SIK3: variants seen among roughly 807,000 people sequenced by gnomAD.
SIK3 encodes the protein SIK family kinase 3.
A neutral mutation model predicts 144.2 loss-of-function variants in SIK3; 28 were observed. The ratio of observed to expected loss-of-function variants is 0.19; its 90% CI spans 0.14 to 0.27. The LOEUF (loss-of-function observed/expected upper bound fraction) is 0.27, where lower values mean the gene tolerates loss of function less well. SIK3 is among the 10% of genes least tolerant of loss of function. SIK3 has a pLI of 1.00. For missense variants in SIK3, 1,319 were observed against 1,776.0 expected (o/e 0.74, Z 4.62); for synonymous variants, 686 against 676.3 (o/e 1.01, Z -0.22).
At chr11:117,031,434 T>C (rs927638119) in intron 1 of SIK3, among the ~76,000 whole-genome samples, 8 of 151,516 alleles carry the variant, frequency 5.3e-5, no homozygotes, top group Non-Finnish European at 1.2e-4. Context: ...CTATCCTTCC[T>C]GCACTGAATT....
At chr11:116,855,083 C>CAAAAAAAAAAAAAAAA (rs528405922) in intron 21 of SIK3, among the ~76,000 whole-genome samples, 12 of 82,092 alleles carry the variant, frequency 1.5e-4, no homozygotes, top group African/African-American at 3.6e-4. Context: ...GAGACTCTGC[C>CAAAAAAAAAAAAAAAA]AAAAAAAAAA....
At chr11:116,987,330 A>G (rs1950357402) in intron 1 of SIK3, among the ~76,000 whole-genome samples, 1 of 146,384 alleles carries the variant, frequency 6.8e-6, no homozygotes, top group African/African-American at 2.5e-5. Context: ...TTAAAAAAAA[A>G]AAAAAAAACA....
chr11:116,992,707 A>T (rs1487655460), intron 1 of SIK3, among the ~76,000 whole-genome samples: 2 of 152,232 alleles, frequency 1.3e-5, no homozygotes, highest in Non-Finnish European at 2.9e-5. Flanking sequence ...CTAGGTCAGG[A>T]GCAGTAGCTC....
Position 116,849,324 on chromosome 11 carries a change from T to TGG in SIK3, c.3656-42_3656-41insCC. On this transcript the variant is annotated intron_variant, in intron 21 of 24. Transcript: ENST00000445177. This position sits in a 1 kb window ranked among gnomAD's most constrained non-coding sequence, Gnocchi z 4.2. ...AGAATAGAGTCAGTGGGGCGGAACT[T>TGG]CTCCCAGCACTGGAAACTCCCATCC... 1 of 1,611,166 alleles carries TGG rather than the reference T, an allele frequency of 6.2e-7. No homozygotes were observed. The highest frequency in any genetic ancestry group is 8.5e-7 in the Non-Finnish European group (1 of 1,178,266).
chr11:116,902,944 T>C (rs1054621190), intron 4 of SIK3, among the ~76,000 whole-genome samples: 2 of 152,218 alleles, frequency 1.3e-5, no homozygotes, highest in Non-Finnish European at 1.5e-5. Context: ...GACGGTTTCA[T>C]TGAAAGCATA....
rs1256178592 is a variant in SIK3, at chr11:117,092,035, A to C, written c.273+6108T>G. 3.3e-5 allele frequency among the ~76,000 whole-genome samples: 5 copies of C among 152,112 alleles called. No homozygotes were observed. The East Asian group carries it at 7.8e-4, about 24-fold the overall frequency. On this transcript the variant is annotated intron_variant, in intron 1 of 24. Transcript: ENST00000445177. ...TGGCCTCAAGTGATCCTCCTGCCTC[A>C]TGCCCCCCCAAAGCACTGGAATTAC...
chr11:117,066,179 C>T (rs933972380), intron 1 of SIK3, among the ~76,000 whole-genome samples: 1 of 151,582 alleles, frequency 6.6e-6, no homozygotes, highest in African/African-American at 2.4e-5. Context: ...AGTGATTCTC[C>T]TGCCTCAGCC....
In SIK3 at chr11:116,876,947, C is replaced by G; in HGVS notation, c.961G>C (p.Asp321His). The G allele has an allele frequency of 6.2e-7, 1 of 1,614,178 alleles. No homozygotes were observed. The highest frequency in any genetic ancestry group is 8.5e-7 in the Non-Finnish European group (1 of 1,180,016). The change falls in exon 7 of 25, where the codon GAC (aspartate) becomes CAC (histidine). Residue 321 changes from aspartate (D) to histidine (H), a missense_variant. By Grantham distance (81) the Asp-to-His change is moderately conservative. Transcript: ENST00000445177. ...ICKHKWMKLG[D>H]ADPNFDRLIA... ...ACCCTGTCAAAGTTGGGATCGGCGTCCCCTAGCTTCATCCACTTGTGCTTG... is the reference window on the plus strand; with the variant it reads ...ACCCTGTCAAAGTTGGGATCGGCGTGCCCTAGCTTCATCCACTTGTGCTTG...
In SIK3 at chr11:117,098,397, TCGCCGC is replaced by T. The variant is rs758486950; in HGVS notation, c.13_18del (p.Ala5_Ala6del). 3.5e-6 allele frequency: 4 copies of T among 1,148,476 alleles called. No individual in the cohort carries two copies. In the African/African-American group the frequency reaches 5.1e-5, roughly 15 times the overall value. The allele number at this position is 1,148,476 out of a possible 1,614,324, so 71.1% of individuals were successfully genotyped here. ...GCCCCGGCAGCCCCGCCAGCTCCGC[TCGCCGC>T]CGCCGCCGCCATCTTGTTGTGCAGT... On this transcript the variant is annotated inframe_deletion, in exon 1 of 25. Transcript: ENST00000445177.
At chr11:117,069,346 TC>T (rs1954161432) in intron 1 of SIK3, among the ~76,000 whole-genome samples, 1 of 152,096 alleles carries the variant, frequency 6.6e-6, no homozygotes, top group South Asian at 2.1e-4. Context: ...CTTCTTCCTT[TC>T]CCCCAGCAAA....
At chr11:116,958,733 C>T (rs920961892) in intron 1 of SIK3, among the ~76,000 whole-genome samples, 1 of 152,168 alleles carries the variant, frequency 6.6e-6, no homozygotes, top group African/African-American at 2.4e-5. Context: ...GAGGATCTCA[C>T]CAGCTGCTTG....
At chr11:116,909,576 C>CTAT (rs2134933424) in intron 4 of SIK3, among the ~76,000 whole-genome samples, 1 of 152,248 alleles carries the variant, frequency 6.6e-6, no homozygotes, top group Admixed American at 6.5e-5. Flanking sequence ...ACAAAAGAGA[C>CTAT]AAGAATAGCT....
intron 21 of SIK3, among the ~76,000 whole-genome samples, chr11:116,850,909 T>C (rs141616253): frequency 6.6e-6 from 1 of 152,240 alleles, no homozygotes; most frequent in African/African-American, 2.4e-5. Context: ...CTCAGGAGGC[T>C]GAGGCAGGGG....
intron 1 of SIK3, among the ~76,000 whole-genome samples, chr11:117,040,874 A>G (rs77322791): frequency 0.02 from 3,088 of 151,272 alleles, 47 homozygotes; most frequent in Non-Finnish European, 0.032. Context: ...ATGTTTTTAT[A>G]TACTTATATA....
chr11:117,016,737 AT>A lies in SIK3; in HGVS notation c.274-59674del, dbSNP rs113955025. On this transcript the variant is annotated intron_variant, in intron 1 of 24. Transcript: ENST00000445177. Reference sequence around the variant, plus strand: ...TAATCACTGCATAATGTATATATCTATCAAGACATCATGGCGTATACCTTGA... The same window carrying A: ...TAATCACTGCATAATGTATATATCTACAAGACATCATGGCGTATACCTTGA... Among the ~76,000 whole-genome samples the A allele has an allele frequency of 1.8e-3, 267 of 152,328 alleles. 1 individual carries two copies. The highest frequency in any genetic ancestry group is 6.8e-3 in the Middle Eastern group (2 of 294).
At position 116,877,020 on chromosome 11, in the gene SIK3, A is replaced by G. The variant is rs980090107; in HGVS notation, c.888T>C (p.His296=). 1.2e-6 allele frequency: 2 copies of G among 1,613,994 alleles called. No individual in the cohort carries two copies. Among genetic ancestry groups the G allele is most frequent in the African/African-American group, 2.7e-5 (2 of 74,904 alleles). Residue 296 remains histidine (H), a synonymous_variant, in exon 7 of 25, where the codon CAT becomes CAC. Transcript: ENST00000445177. ...GCTTATTGGGATCTAACACCAACATATGGCGGATCAAATGCTCACATTCTG... is the reference window on the plus strand; with the variant it reads ...GCTTATTGGGATCTAACACCAACATGTGGCGGATCAAATGCTCACATTCTG... ...MSTECEHLIR[H]MLVLDPNKRL...
At chr11:117,055,383 A>T (rs1200489552) in intron 1 of SIK3, among the ~76,000 whole-genome samples, 3 of 152,226 alleles carry the variant, frequency 2.0e-5, no homozygotes, top group Non-Finnish European at 2.9e-5. Flanking sequence ...CACAATCCTG[A>T]GATAGGTAGC....
At chr11:116,908,262 G>C (rs984702551) in intron 4 of SIK3, among the ~76,000 whole-genome samples, 1 of 152,168 alleles carries the variant, frequency 6.6e-6, no homozygotes, top group Non-Finnish European at 1.5e-5. Flanking sequence ...GATTGCTTGA[G>C]CTCAGTAGTT....
intron 3 of SIK3, among the ~76,000 whole-genome samples, chr11:116,930,232 T>C (rs1222767922): frequency 1.3e-5 from 2 of 152,136 alleles, no homozygotes; most frequent in African/African-American, 4.8e-5. Flanking sequence ...GCCTCTGCCC[T>C]GATTTTTGCC....
Sources: gnomAD v4.1 joint callset for allele counts (sites outside exome capture counted in the v4.1 genomes callset) on GRCh38, gnomAD v4.1.1 for gene constraint, Gnocchi (gnomAD v3.1) non-coding constraint, MANE v1.5 for transcripts, NCBI Gene and HGNC (gene_info 2026-07-23, HGNC 2026-07-21) for gene names.